RAPGEF4: variants seen among roughly 807,000 people sequenced by gnomAD.
RAPGEF4 encodes the protein RAP guanine-nucleotide-exchange factor (GEF) 4.
Under a neutral mutation model 147.9 loss-of-function variants are expected in RAPGEF4, and 66 were observed. The observed-to-expected ratio is 0.45, with a 90% CI of 0.37 to 0.55. RAPGEF4 has a LOEUF of 0.55. Among genes scored for constraint, RAPGEF4 ranks in the 20% least tolerant of loss-of-function variants. The pLI is 0.00. For synonymous variants in RAPGEF4, 419 were observed against 442.7 expected (o/e 0.95, Z 0.67); for missense variants, 1,071 against 1,257.3 (o/e 0.85, Z 2.24).
At chr2:173,015,844 G>A (rs145107121) in intron 18 of RAPGEF4, among the ~76,000 whole-genome samples, 116 of 152,270 alleles carry the variant, frequency 7.6e-4, no homozygotes, top group African/African-American at 2.5e-3. Flanking sequence ...GACCCAGAAT[G>A]AGTGACACCT....
At chr2:172,821,033 T>G (rs1156568070) in intron 4 of RAPGEF4, among the ~76,000 whole-genome samples, 1 of 152,176 alleles carries the variant, frequency 6.6e-6, no homozygotes, top group African/African-American at 2.4e-5. Context: ...TAATATACCT[T>G]CCAGAGGCAT....
At chr2:172,802,005 G>C (rs1687032994) in intron 3 of RAPGEF4, among the ~76,000 whole-genome samples, 1 of 152,184 alleles carries the variant, frequency 6.6e-6, no homozygotes. Context: ...GGGTGGGGTA[G>C]ATAAGTGTAG....
chr2:172,924,725 A>G (rs1395102096), intron 6 of RAPGEF4, among the ~76,000 whole-genome samples: 1 of 152,176 alleles, frequency 6.6e-6, no homozygotes, highest in African/African-American at 2.4e-5. Flanking sequence ...TTCGTAGGAG[A>G]CAAGTTGTAT....
chr2:172,804,001 A>G (rs1235340406), intron 3 of RAPGEF4, among the ~76,000 whole-genome samples: 8 of 152,034 alleles, frequency 5.3e-5, no homozygotes, highest in African/African-American at 7.2e-5. Flanking sequence ...CCATAATTCA[A>G]TTTCCTTCCA....
chr2:172,838,381 T>C (rs938726555), intron 4 of RAPGEF4, among the ~76,000 whole-genome samples: 1 of 152,124 alleles, frequency 6.6e-6, no homozygotes, highest in East Asian at 1.9e-4. Flanking sequence ...GAAATCCGCC[T>C]TTGTTATCCC....
Position 172,960,872 on chromosome 2 carries a change from G to T in RAPGEF4, c.591+59G>T. ...AGCTAGCTTCTTAAGTACCTCTGGA[G>T]GTGGTCCATATGTCAGGGGATCACA... On this transcript the variant is annotated intron_variant, in intron 7 of 30. Transcript: ENST00000397081. 3 of 1,389,814 alleles carry T rather than the reference G, an allele frequency of 2.2e-6. No homozygotes were observed. In the African/African-American group the frequency reaches 4.3e-5, roughly 20 times the overall value. The allele number at this position is 1,389,814 out of a possible 1,614,324, so 86.1% of individuals were successfully genotyped here. A position where few individuals can be genotyped will look rare whatever the true frequency, so the allele number is the denominator to read the frequency against.
chr2:172,845,806 C>T (rs1279828266), intron 4 of RAPGEF4, among the ~76,000 whole-genome samples: 1 of 152,058 alleles, frequency 6.6e-6, no homozygotes, highest in Admixed American at 6.5e-5. Context: ...TTTTCATCAC[C>T]CCATTAAGGA....
At chr2:172,947,450 A>C (rs1051269944) in intron 6 of RAPGEF4, among the ~76,000 whole-genome samples, 2 of 152,210 alleles carry the variant, frequency 1.3e-5, no homozygotes, top group Admixed American at 1.3e-4. Flanking sequence ...ATTACTAAAA[A>C]TGCTGCATGC....
chr2:172,945,885 C>G (rs10490703), intron 6 of RAPGEF4, among the ~76,000 whole-genome samples: 3,360 of 152,224 alleles, frequency 0.022, 119 homozygotes, highest in African/African-American at 0.076. Context: ...AATATCTCAT[C>G]CAAAGTTACC....
At position 172,949,548 on chromosome 2, in the gene RAPGEF4, A is replaced by G. The variant is rs539210174; in HGVS notation, c.538-11212A>G. Among the ~76,000 whole-genome samples the G allele has an allele frequency of 3.4e-4, 52 of 152,338 alleles. No individual in the cohort carries two copies. In the South Asian group the frequency reaches 0.011, roughly 31 times the overall value. On this transcript the variant is annotated intron_variant, in intron 6 of 30. Transcript: ENST00000397081. ...CATTGATTATGAATCTTCAAAGACC[A>G]AGGATGAGAAAAGTCACCTGTAGTG...
intron 1 of RAPGEF4, among the ~76,000 whole-genome samples, chr2:172,740,414 G>A (rs560308555): frequency 3.3e-5 from 5 of 152,298 alleles, no homozygotes; most frequent in African/African-American, 1.2e-4. Context: ...TCTTTCAAAG[G>A]CAGCAGATGA....
At chr2:173,005,746 C>T (rs1694414511) in intron 17 of RAPGEF4, among the ~76,000 whole-genome samples, 1 of 152,080 alleles carries the variant, frequency 6.6e-6, no homozygotes, top group Non-Finnish European at 1.5e-5. Context: ...TGGCCTCGAC[C>T]TCTTGACCTC....
intron 10 of RAPGEF4, among the ~76,000 whole-genome samples, chr2:172,972,387 T>G (rs1249441963): frequency 6.6e-6 from 1 of 152,192 alleles, no homozygotes; most frequent in Non-Finnish European, 1.5e-5. Context: ...GGGTTTTGAT[T>G]TCTGCTGGGA....
At chr2:172,825,771 A>G (rs186538822) in intron 4 of RAPGEF4, among the ~76,000 whole-genome samples, 2 of 152,362 alleles carry the variant, frequency 1.3e-5, no homozygotes, top group East Asian at 3.9e-4. Flanking sequence ...TGATTAAAAA[A>G]ATTAAAATTA....
intron 17 of RAPGEF4, among the ~76,000 whole-genome samples, chr2:173,009,170 A>G (rs1694778560): frequency 6.6e-6 from 1 of 152,240 alleles, no homozygotes; most frequent in Admixed American, 6.5e-5. Flanking sequence ...TTCTTTATGA[A>G]TTTATTTAGA....
intron 5 of RAPGEF4, among the ~76,000 whole-genome samples, chr2:172,918,502 CATA>C (rs1156715418): frequency 1.3e-5 from 2 of 151,650 alleles, no homozygotes; most frequent in African/African-American, 4.9e-5. Flanking sequence ...ATGTGTTGTA[CATA>C]TTAAATATTT....
chr2:172,978,360 A>G (rs3769243), intron 10 of RAPGEF4, among the ~76,000 whole-genome samples: 33,560 of 152,204 alleles, frequency 0.22, 4,445 homozygotes, highest in Non-Finnish European at 0.28. Flanking sequence ...TCCTGGGAAC[A>G]GAGCCCTTCC....
rs112974503 is a variant in RAPGEF4, at chr2:172,783,384, T to G, written c.66-11641T>G. On this transcript the variant is annotated intron_variant, in intron 1 of 30. Coordinates refer to ENST00000397081, the MANE Select transcript of RAPGEF4 (RefSeq NM_007023.4). Reference sequence around the variant, plus strand: ...TCCTCTTCATTCTTTCACAGAGACATAAAAGCAAGCGGGTATGACTGCTAA... The same window carrying G: ...TCCTCTTCATTCTTTCACAGAGACAGAAAAGCAAGCGGGTATGACTGCTAA... Among the ~76,000 whole-genome samples the G allele has an allele frequency of 1.6e-3, 238 of 152,234 alleles. 3 individuals are homozygous for G. The highest frequency in any genetic ancestry group is 5.3e-3 in the African/African-American group (222 of 41,554).
chr2:172,755,293 A>C lies in RAPGEF4; in HGVS notation c.65+19245A>C, dbSNP rs1016454512. 3.3e-5 allele frequency among the ~76,000 whole-genome samples: 5 copies of C among 152,374 alleles called. No homozygotes were observed. In the East Asian group the frequency reaches 9.6e-4, roughly 29 times the overall value. On this transcript the variant is annotated intron_variant, in intron 1 of 30. Coordinates refer to ENST00000397081, the MANE Select transcript of RAPGEF4 (RefSeq NM_007023.4). ...TTAAATGACCAAAGAGGAATGGTTTAGTGACATAATTAAAATCTTACTAAA... is the reference window on the plus strand; with the variant it reads ...TTAAATGACCAAAGAGGAATGGTTTCGTGACATAATTAAAATCTTACTAAA...
Sources: allele counts gnomAD v4.1 joint callset (sites outside exome capture counted in the v4.1 genomes callset), GRCh38; gene constraint gnomAD v4.1.1; transcripts MANE v1.5; gene names NCBI Gene and HGNC (gene_info 2026-07-23, HGNC 2026-07-21).